Variants in PCDHA8 observed in about 807,000 individuals in gnomAD.
PCDHA8 encodes the protein protocadherin alpha 8.
Under a neutral mutation model 61.8 loss-of-function variants are expected in PCDHA8, and 53 were observed. The observed-to-expected ratio is 0.86, with a 90% CI of 0.69 to 1.08. The LOEUF (loss-of-function observed/expected upper bound fraction) is 1.08, where lower values mean the gene tolerates loss of function less well. PCDHA8 is among the 50% of genes least tolerant of loss of function. The pLI is 0.00. For missense variants in PCDHA8, 1,293 were observed against 1,245.0 expected (o/e 1.04, Z -0.58); for synonymous variants, 618 against 556.6 (o/e 1.11, Z -1.55).
chr5:140,998,836 T>C (rs1388208720), intron 3 of PCDHA8, among the ~76,000 whole-genome samples: 2 of 152,254 alleles, frequency 1.3e-5, no homozygotes, highest in Non-Finnish European at 2.9e-5. Context: ...AGTGCTGGAT[T>C]ACTGGTGTGA....
chr5:140,869,361 G>T, intron 1 of PCDHA8: 1 of 1,614,146 alleles, frequency 6.2e-7, no homozygotes, highest in Non-Finnish European at 8.5e-7. Context: ...TTTTGTTTGT[G>T]AATTCTCGGA....
intron 1 of PCDHA8, among the ~76,000 whole-genome samples, chr5:140,972,660 ATTTTTTTT>A (rs11350929): frequency 6.0e-5 from 7 of 117,270 alleles, no homozygotes; most frequent in African/African-American, 2.0e-4. Flanking sequence ...AAGAAACCAA[ATTTTTTTT>A]TTTTTTTTTT....
rs2150362110 is a variant in PCDHA8 at position 140,843,528 on chromosome 5, A to G, written c.2207A>G (p.Lys736Arg). 6.3e-7 allele frequency: 1 copy of G among 1,596,000 alleles called. No individual in the cohort carries two copies. The highest frequency in any genetic ancestry group is 8.6e-7 in the Non-Finnish European group (1 of 1,165,564). Reference protein sequence around the residue: ...LPTEGGCRAGKPTLVCSSAVG... With the variant: ...LPTEGGCRAGRPTLVCSSAVG... ...ACTGAGGGCGGGTGCCGGGCGGGCAAGCCCACTCTGGTGTGCTCCAGTGCG... is the reference window on the plus strand; with the variant it reads ...ACTGAGGGCGGGTGCCGGGCGGGCAGGCCCACTCTGGTGTGCTCCAGTGCG... Residue 736 changes from lysine to arginine, a missense_variant, in exon 1 of 4, where the codon AAG (lysine) becomes AGG (arginine). Coordinates refer to ENST00000531613, the MANE Select transcript of PCDHA8 (RefSeq NM_018911.3).
chr5:140,911,915 G>A (rs553932242), intron 1 of PCDHA8, among the ~76,000 whole-genome samples: 3 of 152,226 alleles, frequency 2.0e-5, no homozygotes, highest in African/African-American at 7.2e-5. Flanking sequence ...CTCTCTAGAG[G>A]ACAGAACTAA....
chr5:140,858,889 AT>A (rs2045644235), intron 1 of PCDHA8: 2 of 236,178 alleles, frequency 8.5e-6, no homozygotes, highest in African/African-American at 2.4e-5. Context: ...CATGTGTAGA[AT>A]ATGTGTAGCG....
rs2150352812 is a variant in PCDHA8 at position 140,843,109 on chromosome 5, A to C, written c.1788A>C (p.Ala596=). ...GCCACGTGGTAGCGAAGGTGCGCGC[A>C]GTGGACGCCGACTCGGGCTACAACG... ...GAGHVVAKVR[A]VDADSGYNAW... is the part of the protein sequence containing the mutation. The change falls in exon 1 of 4, where the codon GCA becomes GCC. Residue 596 remains alanine, a synonymous_variant. Transcript: ENST00000531613. The C allele has an allele frequency of 5.6e-6, 9 of 1,595,800 alleles. No individual in the cohort carries two copies. Among genetic ancestry groups the C allele is most frequent in the Non-Finnish European group, 6.9e-6 (8 of 1,165,510 alleles).
intron 1 of PCDHA8, among the ~76,000 whole-genome samples, chr5:140,951,382 G>A (rs246042): frequency 0.56 from 85,615 of 151,810 alleles, 24,753 homozygotes; most frequent in African/African-American, 0.69. Context: ...CCCAAGACTC[G>A]GTAATTTATA....
rs541261946 is a variant in PCDHA8, at chr5:140,926,749, G to T, written c.2395-52200G>T. ...GGCGTTCGGGAGGCGCAACGTCGGC[G>T]GTCGCTGAGTATCCAGCCCGCAGCA... On this transcript the variant is annotated intron_variant, in intron 1 of 3. Coordinates refer to ENST00000531613, the MANE Select transcript of PCDHA8 (RefSeq NM_018911.3). 7.3e-6 allele frequency: 9 copies of T among 1,237,260 alleles called. No homozygotes were observed. In the East Asian group the frequency reaches 2.0e-4, roughly 28 times the overall value. The allele number at this position is 1,237,260 out of a possible 1,614,324, so 76.6% of individuals were successfully genotyped here.
chr5:140,846,704 T>C (rs1263410748), intron 1 of PCDHA8, among the ~76,000 whole-genome samples: 4 of 149,392 alleles, frequency 2.7e-5, no homozygotes, highest in African/African-American at 9.8e-5. Flanking sequence ...TAGAGAAGAT[T>C]GTAATAACCA....
intron 1 of PCDHA8, among the ~76,000 whole-genome samples, chr5:140,845,167 T>C (rs954186731): frequency 6.7e-6 from 1 of 149,652 alleles, no homozygotes; most frequent in Non-Finnish European, 1.5e-5. Context: ...CGAATTGTTT[T>C]CATTTTAGTC....
chr5:140,966,313 C>G, intron 1 of PCDHA8: 1 of 386,824 alleles, frequency 2.6e-6, no homozygotes. Flanking sequence ...CGTGTTCCTG[C>G]GGTCCGCTGG....
chr5:140,883,483 C>A, intron 1 of PCDHA8: 1 of 1,614,196 alleles, frequency 6.2e-7, no homozygotes, highest in African/African-American at 1.3e-5. Flanking sequence ...AGAACTACTA[C>A]TCATTAGTGC....
intron 1 of PCDHA8, among the ~76,000 whole-genome samples, chr5:140,944,030 A>G (rs1272534224): frequency 1.3e-5 from 2 of 152,214 alleles, no homozygotes; most frequent in East Asian, 1.9e-4. Context: ...TCTTCAAAAT[A>G]TGGAAAACCA....
chr5:140,957,138 C>G (rs1554222835), intron 1 of PCDHA8, among the ~76,000 whole-genome samples: 1 of 151,982 alleles, frequency 6.6e-6, no homozygotes, highest in African/African-American at 2.4e-5. Flanking sequence ...ACACTATGAA[C>G]TAAAAATTTT....
At chr5:140,892,641 T>G (rs2063609688) in intron 1 of PCDHA8, among the ~76,000 whole-genome samples, 1 of 152,226 alleles carries the variant, frequency 6.6e-6, no homozygotes. Flanking sequence ...TTGTACATAT[T>G]TATAGGATAC....
In PCDHA8 at chr5:140,882,320, C is replaced by T. The variant is rs374687530; in HGVS notation, c.2394+38605C>T. The T allele has an allele frequency of 2.8e-5, 45 of 1,614,182 alleles. No homozygotes were observed. The African/African-American group carries it at 5.6e-4, about 20-fold the overall frequency. On this transcript the variant is annotated intron_variant, in intron 1 of 3. Coordinates refer to ENST00000531613, the MANE Select transcript of PCDHA8 (RefSeq NM_018911.3). ...AAGACCGCGGCAACTACTGCTCTGG[C>T]TTCTGATCCTCGCAGCCTGGGAGAC... is the stretch of plus-strand genomic sequence containing the variant.
At position 140,966,247 on chromosome 5, in the gene PCDHA8, A is replaced by G. The variant is rs145363912; in HGVS notation, c.2395-12702A>G. 739 of 318,152 alleles carry G rather than the reference A, an allele frequency of 2.3e-3. 16 individuals are homozygous for G. In the Admixed American group the frequency reaches 0.033, roughly 14 times the overall value. 19.7% of individuals were successfully genotyped at this position (318,152 alleles called of 1,614,324 possible). On this transcript the variant is annotated intron_variant, in intron 1 of 3. Coordinates refer to ENST00000531613, the MANE Select transcript of PCDHA8 (RefSeq NM_018911.3). ...TCCTTAAAGACCCGTTAAGCAGGGGAGAGACGGTGGAGACTGGATGAACTG... is the reference window on the plus strand; with the variant it reads ...TCCTTAAAGACCCGTTAAGCAGGGGGGAGACGGTGGAGACTGGATGAACTG...
At chr5:140,992,606 G>A (rs1554253052) in intron 3 of PCDHA8, among the ~76,000 whole-genome samples, 1 of 152,188 alleles carries the variant, frequency 6.6e-6, no homozygotes. Flanking sequence ...CTGTGTCTAA[G>A]TGAAAGCAGA....
chr5:140,850,472 G>A (rs2150485623), intron 1 of PCDHA8: 1 of 1,598,076 alleles, frequency 6.3e-7, no homozygotes, highest in South Asian at 1.1e-5. Context: ...AGCCAGCGCT[G>A]ACGGCCACGG....
Sources: gnomAD v4.1 joint callset for allele counts (sites outside exome capture counted in the v4.1 genomes callset) on GRCh38, gnomAD v4.1.1 for gene constraint, MANE v1.5 for transcripts, NCBI Gene and HGNC (gene_info 2026-07-23, HGNC 2026-07-21) for gene names.